Variants in PSG4 observed in about 807,000 individuals in gnomAD.
PSG4 encodes pregnancy-specific beta-1-glycoprotein 4.
In PSG4, 61 loss-of-function variants were observed where a neutral mutation model predicts 44.3. The ratio of observed to expected loss-of-function variants is 1.38; its 90% CI spans 1.12 to 1.70. The LOEUF (loss-of-function observed/expected upper bound fraction) is 1.70. Ranked by LOEUF, PSG4 falls within the 40% of genes most tolerant of loss-of-function variation. The pLI is 0.00. For synonymous variants in PSG4, 248 were observed against 191.3 expected (o/e 1.30, Z -2.45); for missense variants, 677 against 511.7 (o/e 1.32, Z -3.12).
At position 43,205,185 on chromosome 19, in the gene PSG4, G is replaced by A. The variant is rs549867847; in HGVS notation, c.64+288C>T. On this transcript the variant is annotated intron_variant, in intron 1 of 5. Transcript: ENST00000405312. ...TGCAGTAGTGCTATCTTGGCTAGCT[G>A]CAACTTCTGCCTCGTGGGTGCACGT... is the stretch of plus-strand genomic sequence containing the variant. 1.8e-4 allele frequency among the ~76,000 whole-genome samples: 23 copies of A among 124,396 alleles called. 2 individuals are homozygous for A. In the South Asian group the frequency reaches 2.8e-3, roughly 15 times the overall value. The allele number at this position is 124,396 out of a possible 152,430, so 81.6% of individuals were successfully genotyped here.
intron 4 of PSG4, 64 bp downstream of exon 4, chr19:43,194,931 C>A: frequency 6.3e-7 from 1 of 1,591,002 alleles, no homozygotes; most frequent in Non-Finnish European, 8.6e-7. Context: ...ACTGAGAGAC[C>A]TGGCCTCTGG....
rs146130390 is a variant in PSG4 at position 43,198,170 on chromosome 19, T to A, written c.536A>T (p.Gln179Leu). The change falls in exon 3 of 6, where the codon CAG (glutamine) becomes CTG (leucine). Residue 179 changes from glutamine to leucine, a missense_variant. Transcript: ENST00000405312. ...GAGGCTCTGACCATTCATCCACCACTGGTAGCTTGCGGCTGGAGTCGCAGG... is the reference window on the plus strand; with the variant it reads ...GAGGCTCTGACCATTCATCCACCACAGGTAGCTTGCGGCTGGAGTCGCAGG... ...CDPATPAASY[Q>L]WWMNGQSLPM... 303 of 1,587,934 alleles carry A rather than the reference T, an allele frequency of 1.9e-4. 51 individuals are homozygous for A. The African/African-American group carries it at 3.4e-3, about 18-fold the overall frequency.
In PSG4 at chr19:43,194,596, T is replaced by C. The variant is rs1266123213; in HGVS notation, c.989-2A>G. 5.6e-6 allele frequency: 9 copies of C among 1,607,974 alleles called. No homozygotes were observed. The highest frequency in any genetic ancestry group is 5.5e-5 in the South Asian group (5 of 90,572). On this transcript the variant is annotated splice_acceptor_variant, in intron 4 of 5. Transcript: ENST00000405312. LOFTEE classifies it high-confidence loss of function. ...AAATGCTGGGGAGGTCTGGACCATC[T>C]GGCGCAAAGAGAATAAAGCCATAGG...
rs1967738552 is a variant in PSG4 at position 43,205,404 on chromosome 19, T to A, written c.64+69A>T. 3.4e-6 allele frequency: 5 copies of A among 1,450,172 alleles called. 1 individual carries two copies. The East Asian group carries it at 1.1e-4, about 31-fold the overall frequency. The allele number at this position is 1,450,172 out of a possible 1,614,324, so 89.8% of individuals were successfully genotyped here. ...TCTTTCATTTTTCAGAACCCCATCC[T>A]CTCCAGGAGACCCCATCCAGTCACT... On this transcript the variant is annotated intron_variant, in intron 1 of 5. Transcript: ENST00000405312.
intron 2 of PSG4, among the ~76,000 whole-genome samples, chr19:43,199,895 T>G (rs1268505242): frequency 6.9e-6 from 1 of 144,870 alleles, no homozygotes; most frequent in Non-Finnish European, 1.5e-5. Context: ...ATGCCAAAGG[T>G]GATTGGAAAT....
At chr19:43,194,293 A>C in intron 5 of PSG4, 47 bp downstream of exon 5, 1 of 1,611,488 alleles carries the variant, frequency 6.2e-7, no homozygotes, top group East Asian at 2.2e-5. Context: ...AATGCCAGAT[A>C]GACTCCACCT....
rs546910724 is a variant in PSG4 at position 43,198,638 on chromosome 19, T to G, written c.431-363A>C. On this transcript the variant is annotated intron_variant, in intron 2 of 5. Transcript: ENST00000405312. ...TGGAGCATGCAGTGCTGGAATCTTC[T>G]TAGTTTCAGTCTTACTTTGCCCCCC... The G allele has an allele frequency of 1.3e-4, 30 of 232,066 alleles. 5 individuals are homozygous for G. Among genetic ancestry groups the G allele is most frequent in the Middle Eastern group, 1.5e-3 (1 of 650 alleles). 14.4% of individuals were successfully genotyped at this position (232,066 alleles called of 1,614,324 possible). A position where few individuals can be genotyped will look rare whatever the true frequency, so the allele number is the denominator to read the frequency against.
intron 3 of PSG4, chr19:43,196,902 T>A (rs1394902593): frequency 6.9e-6 from 1 of 145,912 alleles, no homozygotes. Context: ...AGGGGTTGCA[T>A]TGAATCTGCA....
intron 2 of PSG4, among the ~76,000 whole-genome samples, chr19:43,201,536 C>A (rs1315681906): frequency 6.9e-6 from 1 of 145,432 alleles, no homozygotes; most frequent in East Asian, 2.4e-4. Flanking sequence ...TCATTCATAC[C>A]TATGACTAAT....
In PSG4 at chr19:43,195,210, A is replaced by C. The variant is rs746428430; in HGVS notation, c.773T>G (p.Leu258Ter). 1.2e-6 allele frequency: 2 copies of C among 1,610,372 alleles called. No homozygotes were observed. Among genetic ancestry groups the C allele is most frequent in the Non-Finnish European group, 1.7e-6 (2 of 1,179,020 alleles). ...NLNPRENKDV[L>*]TFTCEPKSKN... ...ACTCTTAGGTTCACAGGTGAAGGTT[A>C]AGACATCCTTATTCTCTCTGGGGTT... The change falls in exon 4 of 6, where the codon TTA (leucine) becomes TGA (stop). Residue 258 changes from leucine to a stop codon, truncating the protein, a stop_gained. Coordinates refer to ENST00000405312, the MANE Select transcript of PSG4 (RefSeq NM_002780.5). LOFTEE classifies it high-confidence loss of function.
chr19:43,197,214 A>G lies in PSG4; in HGVS notation c.709+783T>C, dbSNP rs138200266. On this transcript the variant is annotated intron_variant, in intron 3 of 5. Coordinates refer to ENST00000405312, the MANE Select transcript of PSG4 (RefSeq NM_002780.5). ...AGGCAAAAGCTGGTGGTTTTGGAGC[A>G]GAAACATATTCCCTGTGCTGGGTTT... 2.4e-3 allele frequency among the ~76,000 whole-genome samples: 345 copies of G among 145,174 alleles called. 28 individuals are homozygous for G. Among genetic ancestry groups the G allele is most frequent in the Middle Eastern group, 3.5e-3 (1 of 288 alleles).
chr19:43,196,658 G>C (rs1451003026), intron 3 of PSG4: 3 of 151,270 alleles, frequency 2.0e-5, no homozygotes, highest in Admixed American at 6.6e-5. Flanking sequence ...TTTCTAGCTT[G>C]ATGATTAGTT....
intron 2 of PSG4, among the ~76,000 whole-genome samples, chr19:43,200,207 C>G (rs113472291): frequency 1.4e-5 from 2 of 144,692 alleles, no homozygotes; most frequent in African/African-American, 5.3e-5. Context: ...TGTCTGCCCA[C>G]GTGAAGAAAT....
chr19:43,197,908 T>C, intron 3 of PSG4, 89 bp downstream of exon 3: 3 of 1,575,306 alleles, frequency 1.9e-6, no homozygotes, highest in Non-Finnish European at 2.6e-6. Flanking sequence ...GTCTCTGTAC[T>C]TGGACCTGAG....
At chr19:43,199,795 C>A (rs1967422668) in intron 2 of PSG4, among the ~76,000 whole-genome samples, 2 of 145,528 alleles carry the variant, frequency 1.4e-5, no homozygotes. Flanking sequence ...CATCGAAGAT[C>A]AATTGCTGGT....
In PSG4 at chr19:43,202,909, C is replaced by G. The variant is rs941211821; in HGVS notation, c.430+977G>C. On this transcript the variant is annotated intron_variant, in intron 2 of 5. Coordinates refer to ENST00000405312, the MANE Select transcript of PSG4 (RefSeq NM_002780.5). ...GGTGGAGGAGAGGAAGGGCCTGTGG[C>G]TGCAGACAGACCTCATGTGACCCCG... 1.4e-5 allele frequency among the ~76,000 whole-genome samples: 2 copies of G among 144,726 alleles called. 1 individual carries two copies. Among genetic ancestry groups the G allele is most frequent in the Non-Finnish European group, 3.0e-5 (2 of 67,062 alleles). 94.9% of individuals were successfully genotyped at this position (144,726 alleles called of 152,430 possible). A position where few individuals can be genotyped will look rare whatever the true frequency, so the allele number is the denominator to read the frequency against.
Position 43,195,087 on chromosome 19 carries a change from T to C in PSG4, c.896A>G (p.Asn299Ser), listed in dbSNP as rs781473987. 65 of 1,611,096 alleles carry C rather than the reference T, an allele frequency of 4.0e-5. 3 individuals are homozygous for C. Among genetic ancestry groups the C allele is most frequent in the Non-Finnish European group, 4.7e-5 (56 of 1,179,036 alleles). The change falls in exon 4 of 6, where the codon AAT (asparagine) becomes AGT (serine). Residue 299 changes from asparagine (N) to serine (S), a missense_variant. Physicochemically the swap from Asn to Ser is conservative, Grantham distance 46. Coordinates refer to ENST00000405312, the MANE Select transcript of PSG4 (RefSeq NM_002780.5). ...AGGTCCTGTTTCATTTCTCGTGACA[T>C]TGGGTAGAATGAGGATCCTGTTTTC... ...PIENRILILP[N>S]VTRNETGPYQ...
At chr19:43,201,597 A>T (rs1173430664) in intron 2 of PSG4, among the ~76,000 whole-genome samples, 3 of 145,076 alleles carry the variant, frequency 2.1e-5, no homozygotes, top group Admixed American at 2.0e-4. Context: ...AAGCACAAAC[A>T]GATCATTTCC....
rs1967346465 is a variant in PSG4 at position 43,198,266 on chromosome 19, G to T, written c.440C>A (p.Pro147His). The T allele has an allele frequency of 1.3e-6, 2 of 1,586,286 alleles. No homozygotes were observed. Among genetic ancestry groups the T allele is most frequent in the Non-Finnish European group, 1.7e-6 (2 of 1,171,334 alleles). The part of the protein sequence containing the change: ...HFTFTLHLET[P>H]KPSISSSNLN... ...GTTGCTGCTGGAGATGGAGGGCTTG[G>T]GAGTCTCCACTGTGCAGAAAACAGA... The change falls in exon 3 of 6, where the codon CCC (proline) becomes CAC (histidine). Residue 147 changes from proline (P) to histidine (H), a missense_variant. Physicochemically the swap from Pro to His is moderately conservative, Grantham distance 77. Coordinates refer to ENST00000405312, the MANE Select transcript of PSG4 (RefSeq NM_002780.5).
Sources: allele counts gnomAD v4.1 joint callset (sites outside exome capture counted in the v4.1 genomes callset), GRCh38; gene constraint gnomAD v4.1.1; transcripts MANE v1.5; gene names NCBI Gene and HGNC (gene_info 2026-07-23, HGNC 2026-07-21).